The following MAGI2 variants were observed in gnomAD, a reference collection of about 807,000 sequenced individuals.
MAGI2 encodes membrane associated guanylate kinase, WW and PDZ domain containing 2, also known as membrane-associated guanylate kinase, WW and PDZ domain-containing protein 2.
Under a neutral mutation model 133.3 loss-of-function variants are expected in MAGI2, and 35 were observed. That is an observed-to-expected ratio of 0.26 (90% CI 0.20 to 0.35). The LOEUF (loss-of-function observed/expected upper bound fraction) is 0.35, where lower values mean the gene tolerates loss of function less well. Ranked by LOEUF, MAGI2 falls within the 10% of genes least tolerant of loss-of-function variation. The pLI, the probability that MAGI2 is intolerant of heterozygous loss-of-function variation, is 1.00. For missense variants in MAGI2, 1,636 were observed against 1,863.4 expected (o/e 0.88, Z 2.25); for synonymous variants, 729 against 710.6 (o/e 1.03, Z -0.41).
At chr7:78,082,232 T>C (rs999263685) in intron 20 of MAGI2, among the ~76,000 whole-genome samples, 1 of 152,186 alleles carries the variant, frequency 6.6e-6, no homozygotes. Flanking sequence ...TTCATTCACT[T>C]GTGTGTTTAT....
chr7:79,154,967 C>T (rs1199549064), intron 1 of MAGI2, among the ~76,000 whole-genome samples: 9 of 152,230 alleles, frequency 5.9e-5, no homozygotes, highest in Admixed American at 5.9e-4. Flanking sequence ...CTATATTCTC[C>T]TTTTCCTTAC....
chr7:78,654,173 G>T (rs1811882447), intron 2 of MAGI2, among the ~76,000 whole-genome samples: 1 of 152,058 alleles, frequency 6.6e-6, no homozygotes, highest in Admixed American at 6.6e-5. Context: ...CAGCTGCCTG[G>T]GTACAAACCC....
chr7:79,061,425 G>A (rs201050476), intron 1 of MAGI2, among the ~76,000 whole-genome samples: 13 of 151,866 alleles, frequency 8.6e-5, no homozygotes, highest in African/African-American at 1.7e-4. Flanking sequence ...AAGTGCTGTC[G>A]GAGATATTTA....
chr7:78,703,116 A>T (rs1168375595), intron 2 of MAGI2, among the ~76,000 whole-genome samples: 9 of 152,040 alleles, frequency 5.9e-5, no homozygotes, highest in Non-Finnish European at 1.3e-4. Context: ...ACATCATAGA[A>T]GTCAGTACAG....
intron 1 of MAGI2, among the ~76,000 whole-genome samples, chr7:79,311,545 C>T (rs371716495): frequency 6.6e-6 from 1 of 151,980 alleles, no homozygotes; most frequent in African/African-American, 2.4e-5. Flanking sequence ...CTTATCTTCC[C>T]ATCCCTTTCC....
chr7:79,185,056 C>T (rs1039226188), intron 1 of MAGI2, among the ~76,000 whole-genome samples: 1 of 151,772 alleles, frequency 6.6e-6, no homozygotes, highest in East Asian at 1.9e-4. Flanking sequence ...CAGCTGGGTT[C>T]CTAAGCCTAC....
intron 1 of MAGI2, among the ~76,000 whole-genome samples, chr7:79,012,825 C>T (rs974677607): frequency 3.4e-4 from 51 of 149,958 alleles, no homozygotes; most frequent in Non-Finnish European, 5.5e-4. Flanking sequence ...GTCAGAAAGT[C>T]CAAGATTAAA....
At chr7:78,342,311 G>A (rs747237912) in intron 9 of MAGI2, among the ~76,000 whole-genome samples, 1 of 152,174 alleles carries the variant, frequency 6.6e-6, no homozygotes, top group Non-Finnish European at 1.5e-5. Context: ...AACAACAGAT[G>A]CTGGAGGGGA....
At chr7:78,992,063 T>C (rs1483172809) in intron 2 of MAGI2, among the ~76,000 whole-genome samples, 1 of 152,104 alleles carries the variant, frequency 6.6e-6, no homozygotes, top group Non-Finnish European at 1.5e-5. Context: ...TTAGTCTATG[T>C]CTTCATCAAA....
intron 6 of MAGI2, among the ~76,000 whole-genome samples, chr7:78,428,437 T>A (rs1050234326): frequency 6.6e-6 from 1 of 152,230 alleles, no homozygotes; most frequent in African/African-American, 2.4e-5. Flanking sequence ...TATTATTAGC[T>A]ATCTTCTTAG....
chr7:78,810,577 C>T (rs910425683), intron 2 of MAGI2, among the ~76,000 whole-genome samples: 4 of 151,814 alleles, frequency 2.6e-5, no homozygotes, highest in Admixed American at 2.0e-4. Context: ...TTTGTTTTCC[C>T]AAGAAATATT....
chr7:78,979,004 G>T (rs960837505), intron 2 of MAGI2, among the ~76,000 whole-genome samples: 1 of 151,956 alleles, frequency 6.6e-6, no homozygotes, highest in East Asian at 1.9e-4. Flanking sequence ...GCAAGAGAAA[G>T]CATTAATAAT....
chr7:78,480,574 T>C (rs1437376233), intron 6 of MAGI2, among the ~76,000 whole-genome samples: 4 of 151,954 alleles, frequency 2.6e-5, no homozygotes, highest in African/African-American at 9.7e-5. Context: ...GCAAGGTTGA[T>C]TTAATATTTG....
intron 2 of MAGI2, among the ~76,000 whole-genome samples, chr7:78,741,024 C>G (rs1363023837): frequency 1.3e-5 from 2 of 150,980 alleles, no homozygotes; most frequent in African/African-American, 4.9e-5. Context: ...GCACACTGTG[C>G]CAGGATTTGA....
chr7:79,378,955 T>C (rs1334334013), intron 1 of MAGI2, among the ~76,000 whole-genome samples: 1 of 82,898 alleles, frequency 1.2e-5, no homozygotes, highest in Admixed American at 1.2e-4. Flanking sequence ...TATATATATA[T>C]ATATATATAT....
At chr7:78,442,306 T>C (rs1787710428) in intron 6 of MAGI2, among the ~76,000 whole-genome samples, 1 of 152,226 alleles carries the variant, frequency 6.6e-6, no homozygotes, top group Non-Finnish European at 1.5e-5. Context: ...ATAGATTCTA[T>C]GTGTCTTATA....
chr7:79,136,036 A>AAG (rs1821457453), intron 1 of MAGI2, among the ~76,000 whole-genome samples: 1 of 137,048 alleles, frequency 7.3e-6, no homozygotes, highest in African/African-American at 3.1e-5. Context: ...AAGGAAAGAA[A>AAG]GAAAGAAAGA....
intron 9 of MAGI2, among the ~76,000 whole-genome samples, chr7:78,282,712 T>C (rs941286590): frequency 1.3e-5 from 2 of 152,148 alleles, no homozygotes; most frequent in African/African-American, 4.8e-5. Context: ...AATATAATTC[T>C]GAAATAAAAT....
intron 10 of MAGI2, among the ~76,000 whole-genome samples, chr7:78,212,263 G>A (rs760177775): frequency 3.5e-4 from 53 of 152,160 alleles, no homozygotes; most frequent in Non-Finnish European, 6.9e-4. Context: ...CAAAACCTGC[G>A]TGTAGGCTAC....
Sources: allele counts gnomAD v4.1 joint callset (sites outside exome capture counted in the v4.1 genomes callset), GRCh38; gene constraint gnomAD v4.1.1; transcripts MANE v1.5; gene names NCBI Gene and HGNC (gene_info 2026-07-23, HGNC 2026-07-21).